EIF4G3: variants seen among roughly 807,000 people sequenced by gnomAD.
EIF4G3 encodes eukaryotic translation initiation factor 4 gamma 3.
Under a neutral mutation model 186.4 loss-of-function variants are expected in EIF4G3, and 34 were observed. The observed-to-expected ratio is 0.18, with a 90% CI of 0.14 to 0.24. The LOEUF (loss-of-function observed/expected upper bound fraction) is 0.24, where lower values mean the gene tolerates loss of function less well. EIF4G3 is among the 10% of genes least tolerant of loss of function. The pLI, the probability that EIF4G3 is intolerant of heterozygous loss-of-function variation, is 1.00. For synonymous variants in EIF4G3, 673 were observed against 679.5 expected (o/e 0.99, Z 0.15); for missense variants, 1,536 against 1,948.5 (o/e 0.79, Z 3.99).
At chr1:21,003,691 G>A (rs2084223997) in intron 4 of EIF4G3, 2 of 359,560 alleles carry the variant, frequency 5.6e-6, no homozygotes, top group Non-Finnish European at 1.1e-5. Flanking sequence ...AGATCTTTGA[G>A]TTGCACATCA....
Position 21,163,496 on chromosome 1 carries a change from T to C in EIF4G3, c.-272+12679A>G, listed in dbSNP as rs115911661. ...AATTAAGACCCACTTCCTTTGAATATTGAGTAAGAGCTAAGCTGGAGACAT... is the reference window on the plus strand; with the variant it reads ...AATTAAGACCCACTTCCTTTGAATACTGAGTAAGAGCTAAGCTGGAGACAT... On this transcript the variant is annotated intron_variant, in intron 2 of 36. Coordinates refer to ENST00000602326, the MANE Select transcript of EIF4G3 (RefSeq NM_001391906.1). Among the ~76,000 whole-genome samples the C allele has an allele frequency of 4.4e-3, 671 of 152,342 alleles. 3 individuals carry two copies. Among genetic ancestry groups the C allele is most frequent in the African/African-American group, 0.015 (627 of 41,580 alleles).
At chr1:21,165,180 C>T (rs903093548) in intron 2 of EIF4G3, among the ~76,000 whole-genome samples, 3 of 152,276 alleles carry the variant, frequency 2.0e-5, no homozygotes, top group East Asian at 3.9e-4. Flanking sequence ...CAAATAATGA[C>T]AGGTGTTGGC....
chr1:21,051,955 G>A (rs533065634), intron 3 of EIF4G3, among the ~76,000 whole-genome samples: 6 of 152,014 alleles, frequency 3.9e-5, no homozygotes, highest in African/African-American at 9.7e-5. Context: ...ATTTGTTTAC[G>A]TATGCATATA....
chr1:21,066,545 T>C (rs1462407149), intron 3 of EIF4G3, among the ~76,000 whole-genome samples: 4 of 152,154 alleles, frequency 2.6e-5, no homozygotes, highest in Admixed American at 2.6e-4. Context: ...AACCACAGAA[T>C]GACAGTTTAA....
At chr1:21,131,327 A>C (rs1244541043) in intron 2 of EIF4G3, among the ~76,000 whole-genome samples, 1 of 151,676 alleles carries the variant, frequency 6.6e-6, no homozygotes, top group Non-Finnish European at 1.5e-5. Context: ...GGAAGAAAAA[A>C]AAAAAAGAGG....
At chr1:21,031,301 C>T (rs1294901974) in intron 4 of EIF4G3, among the ~76,000 whole-genome samples, 1 of 133,406 alleles carries the variant, frequency 7.5e-6, no homozygotes, top group Non-Finnish European at 1.6e-5. Context: ...TGGCAGAAAG[C>T]AAAACAGAAA....
At chr1:21,000,732 T>C (rs899152681) in intron 6 of EIF4G3, among the ~76,000 whole-genome samples, 5 of 152,116 alleles carry the variant, frequency 3.3e-5, no homozygotes, top group African/African-American at 1.2e-4. Flanking sequence ...ATGTTATGTG[T>C]GTGATTTTTA....
At chr1:21,017,877 G>A (rs1228373859) in intron 4 of EIF4G3, among the ~76,000 whole-genome samples, 1 of 151,942 alleles carries the variant, frequency 6.6e-6, no homozygotes, top group Non-Finnish European at 1.5e-5. Flanking sequence ...TGTATTTAAT[G>A]GACAAAAAGT....
At position 20,942,219 on chromosome 1, in the gene EIF4G3, A is replaced by G; in HGVS notation, c.935T>C (p.Ile312Thr). The G allele has an allele frequency of 6.2e-7, 1 of 1,614,168 alleles. No homozygotes were observed. Among genetic ancestry groups the G allele is most frequent in the Non-Finnish European group, 8.5e-7 (1 of 1,179,998 alleles). The change falls in exon 14 of 37, where the codon ATA becomes ACA. Residue 312 changes from isoleucine (I) to threonine (T), a missense_variant. Ile to Thr is a moderately conservative substitution (Grantham distance 89, BLOSUM62 -1). Around this residue, in one of 11 missense-constraint regions of EIF4G3, gnomAD observed 560 missense variants for 547.8 expected, o/e 1.02. Coordinates refer to ENST00000602326, the MANE Select transcript of EIF4G3 (RefSeq NM_001391906.1). ...CAGAGGAAGCTCTGCTATGGATACT[A>G]TTGCAGTAGTTTCAGATGTCTGGCC... ...QEGQTSETTA[I>T]VSIAELPLPP...
intron 14 of EIF4G3, among the ~76,000 whole-genome samples, chr1:20,915,217 T>C (rs572406565): frequency 3.3e-5 from 5 of 152,312 alleles, no homozygotes; most frequent in South Asian, 4.1e-4. Flanking sequence ...GTGACTCCTC[T>C]GGAGGCTCTG....
In EIF4G3 at chr1:20,899,379, T is replaced by C. The variant is rs558799888; in HGVS notation, c.1999+318A>G. ...CTCGAGGAATGTGGTAATATCTCTA[T>C]ATCCCTTTCAATTAAAACGAATGCA... On this transcript the variant is annotated intron_variant, in intron 16 of 36. Coordinates refer to ENST00000602326, the MANE Select transcript of EIF4G3 (RefSeq NM_001391906.1). Among the ~76,000 whole-genome samples, 17 of 152,330 alleles carry C rather than the reference T, an allele frequency of 1.1e-4. No individual in the cohort carries two copies. In the South Asian group the frequency reaches 2.7e-3, roughly 24 times the overall value.
At chr1:21,129,108 T>C (rs2102469347) in intron 2 of EIF4G3, among the ~76,000 whole-genome samples, 1 of 151,666 alleles carries the variant, frequency 6.6e-6, no homozygotes, top group East Asian at 1.9e-4. Flanking sequence ...AAGTCAGGCG[T>C]TCAAGACCAG....
chr1:21,147,949 T>C (rs1176231452), intron 2 of EIF4G3, among the ~76,000 whole-genome samples: 1 of 152,192 alleles, frequency 6.6e-6, no homozygotes, highest in Non-Finnish European at 1.5e-5. Flanking sequence ...AAAATTCATA[T>C]CTGGTAATAT....
At chr1:20,970,066 C>T (rs367617555) in intron 11 of EIF4G3, among the ~76,000 whole-genome samples, 4 of 152,022 alleles carry the variant, frequency 2.6e-5, no homozygotes, top group Non-Finnish European at 4.4e-5. Flanking sequence ...CAGGTTCAAG[C>T]GATTCTCGTG....
rs1193196095 is a variant in EIF4G3 at position 20,889,664 on chromosome 1, G to C, written c.2254-3293C>G. 2.6e-5 allele frequency among the ~76,000 whole-genome samples: 4 copies of C among 151,866 alleles called. No homozygotes were observed. In the East Asian group the frequency reaches 7.7e-4, roughly 29 times the overall value. On this transcript the variant is annotated intron_variant, in intron 18 of 36. Transcript: ENST00000602326. ...CGCCACCACACCCGGCTAATTTTTT[G>C]TATTTTTAGTGGAGACGGGGTTTCA...
chr1:21,173,265 C>A (rs925026473), intron 2 of EIF4G3, among the ~76,000 whole-genome samples: 1 of 150,580 alleles, frequency 6.6e-6, no homozygotes, highest in Admixed American at 6.6e-5. Context: ...GGTGCAGTCT[C>A]GGCTCATTGC....
chr1:20,864,741 TTGA>T, intron 21 of EIF4G3, 29 bp from the exon 22 acceptor site: 3 of 1,566,764 alleles, frequency 1.9e-6, no homozygotes, highest in Admixed American at 1.7e-5. Context: ...TAATAGCATC[TTGA>T]TGATGAAAGT....
At chr1:21,010,294 C>T (rs567099241) in intron 4 of EIF4G3, among the ~76,000 whole-genome samples, 13 of 151,976 alleles carry the variant, frequency 8.6e-5, no homozygotes, top group African/African-American at 2.9e-4. Flanking sequence ...GTGGCTTGCG[C>T]CCATAGTCCC....
chr1:21,110,758 G>A (rs1212385865), intron 2 of EIF4G3, among the ~76,000 whole-genome samples: 1 of 151,046 alleles, frequency 6.6e-6, no homozygotes, highest in East Asian at 1.9e-4. Context: ...GTAGAGACAG[G>A]GTTTCACCAT....
Sources: allele counts gnomAD v4.1 joint callset (sites outside exome capture counted in the v4.1 genomes callset), GRCh38; gene constraint gnomAD v4.1.1; regional missense constraint gnomAD v4.1.1; transcripts MANE v1.5; gene names NCBI Gene and HGNC (gene_info 2026-07-23, HGNC 2026-07-21).